TET2: variants seen among roughly 807,000 people sequenced by gnomAD.
TET2 encodes the protein methylcytosine dioxygenase TET2.
In TET2, 299 loss-of-function variants were observed where a neutral mutation model predicts 142.9. The observed-to-expected ratio is 2.09, with a 90% CI of 1.90 to 2.30. TET2 has a LOEUF of 2.30. Among genes scored for constraint, TET2 ranks in the 30% most tolerant of loss-of-function variants. The pLI is 0.00. For synonymous variants in TET2, 819 were observed against 849.0 expected (o/e 0.96, Z 0.61); for missense variants, 2,418 against 2,378.0 (o/e 1.02, Z -0.35).
Position 105,241,341 on chromosome 4 carries a change from C to A in TET2, c.3412C>A (p.Gln1138Lys), listed in dbSNP as rs2110248552. The A allele has an allele frequency of 6.5e-7, 1 of 1,544,078 alleles. No individual in the cohort carries two copies. Among genetic ancestry groups the A allele is most frequent in the Non-Finnish European group, 8.7e-7 (1 of 1,143,142 alleles). Residue 1138 changes from glutamine (Q) to lysine (K), a missense_variant and splice_region_variant, in exon 4 of 11, where the codon CAA (glutamine) becomes AAA (lysine). Transcript: ENST00000380013. Reference protein sequence around the residue: ...YDFPSCRCVEQIIEKDEGPFY... With the variant: ...YDFPSCRCVEKIIEKDEGPFY... Reference sequence around the variant, plus strand: ...ATAATCTTCTATTATCTCAACAGAGCAAATTATTGAAAAAGATGAAGGTCC... The same window carrying A: ...ATAATCTTCTATTATCTCAACAGAGAAAATTATTGAAAAAGATGAAGGTCC...
intron 2 of TET2, among the ~76,000 whole-genome samples, chr4:105,211,142 C>T (rs1460932669): frequency 6.6e-6 from 1 of 152,172 alleles, no homozygotes; most frequent in Non-Finnish European, 1.5e-5. Flanking sequence ...CTTTTGTTCC[C>T]TCTAGCTGAA....
chr4:105,164,794 C>A (rs1226456135), intron 1 of TET2, among the ~76,000 whole-genome samples: 1 of 152,170 alleles, frequency 6.6e-6, no homozygotes, highest in Non-Finnish European at 1.5e-5. Context: ...AGTGTAACAG[C>A]ACAGCCTCTG....
chr4:105,170,807 T>A (rs1238849038), intron 1 of TET2, among the ~76,000 whole-genome samples: 4 of 152,176 alleles, frequency 2.6e-5, no homozygotes, highest in Non-Finnish European at 5.9e-5. Flanking sequence ...CCTCAAAATA[T>A]AAACATGATG....
At chr4:105,258,793 TTTATCTCTC>T (rs1452341989) in intron 6 of TET2, among the ~76,000 whole-genome samples, 3 of 152,200 alleles carry the variant, frequency 2.0e-5, no homozygotes, top group African/African-American at 7.2e-5. Flanking sequence ...TGTAAGTTGT[TTTATCTCTC>T]TTTGCTTACT....
chr4:105,173,669 G>A (rs1454910443), intron 1 of TET2, among the ~76,000 whole-genome samples: 4 of 152,072 alleles, frequency 2.6e-5, no homozygotes, highest in Non-Finnish European at 5.9e-5. Context: ...GATGACATGA[G>A]GAAAAAAGGG....
At chr4:105,191,773 A>G (rs372807844) in intron 2 of TET2, among the ~76,000 whole-genome samples, 7 of 152,282 alleles carry the variant, frequency 4.6e-5, no homozygotes, top group African/African-American at 1.7e-4. Flanking sequence ...ACACAGGGCA[A>G]GCGCATCTGT....
chr4:105,211,367 A>G (rs1727149779), intron 2 of TET2, among the ~76,000 whole-genome samples: 1 of 152,218 alleles, frequency 6.6e-6, no homozygotes, highest in Admixed American at 6.5e-5. Flanking sequence ...TCACTGGTGA[A>G]GGAATCCAGA....
chr4:105,200,642 G>GTTTTGT (rs70964635), intron 2 of TET2, among the ~76,000 whole-genome samples: 40,367 of 149,384 alleles, frequency 0.27, 6,019 homozygotes, highest in Non-Finnish European at 0.34. Context: ...TTTTTTGTTT[G>GTTTTGT]TTTTGTTTTT....
chr4:105,242,215 CTAAA>C (rs1729342567), intron 4 of TET2: 1 of 1,097,296 alleles, frequency 9.1e-7, no homozygotes, highest in African/African-American at 1.6e-5. Context: ...TAGAAGTTCA[CTAAA>C]TAATCATCTA....
At chr4:105,224,231 C>A (rs930096018) in intron 2 of TET2, among the ~76,000 whole-genome samples, 7 of 151,974 alleles carry the variant, frequency 4.6e-5, no homozygotes, top group Non-Finnish European at 1.5e-5. Flanking sequence ...ATATCTACAG[C>A]TTTATGTGGT....
At position 105,235,067 on chromosome 4, in the gene TET2, A is replaced by G. The variant is rs201587678; in HGVS notation, c.1125A>G (p.Glu375=). 1 of 1,614,084 alleles carries G rather than the reference A, an allele frequency of 6.2e-7. No individual in the cohort carries two copies. Among genetic ancestry groups the G allele is most frequent in the South Asian group, 1.1e-5 (1 of 91,072 alleles). ...GSSERYLKQN[E]MNGAYFKQSS... is the part of the protein sequence containing the mutation. ...CTGAACGGTATTTAAAACAAAATGA[A>G]ATGAATGGTGCTTACTTCAAGCAAA... Residue 375 remains glutamate (E), a synonymous_variant, in exon 3 of 11, where the codon GAA becomes GAG. Coordinates refer to ENST00000380013, the MANE Select transcript of TET2 (RefSeq NM_001127208.3).
rs1429808833 is a variant in TET2 at position 105,237,078 on chromosome 4, C to T, written c.3136C>T (p.Leu1046Phe). ...CAAGTCGTTATTTGACCATAAGGCT[C>T]TTACTCTCAAATCACAGAAGCAAGT... ...HAKSLFDHKA[L>F]TLKSQKQVKV... Residue 1046 changes from leucine to phenylalanine, a missense_variant, in exon 3 of 11, where the codon CTT becomes TTT. By Grantham distance (22) the Leu-to-Phe change is conservative. Coordinates refer to ENST00000380013, the MANE Select transcript of TET2 (RefSeq NM_001127208.3). 3 of 1,614,042 alleles carry T rather than the reference C, an allele frequency of 1.9e-6. No individual in the cohort carries two copies. Among genetic ancestry groups the T allele is most frequent in the African/African-American group, 2.7e-5 (2 of 74,924 alleles).
At chr4:105,204,234 TACACACACAC>T (rs763239434) in intron 2 of TET2, among the ~76,000 whole-genome samples, 8 of 125,968 alleles carry the variant, frequency 6.4e-5, no homozygotes, top group East Asian at 2.2e-4. Flanking sequence ...AAAAAATATA[TACACACACAC>T]ACACACACAC....
At chr4:105,193,133 C>A (rs995714175) in intron 2 of TET2, among the ~76,000 whole-genome samples, 2 of 152,096 alleles carry the variant, frequency 1.3e-5, no homozygotes, top group Non-Finnish European at 2.9e-5. Context: ...GAGGAGGCTT[C>A]ACAAAGGAAG....
At chr4:105,263,352 AAG>A (rs775513337) in intron 8 of TET2, among the ~76,000 whole-genome samples, 2 of 152,184 alleles carry the variant, frequency 1.3e-5, no homozygotes, top group Non-Finnish European at 2.9e-5. Context: ...AAATCTATGT[AAG>A]ATTAGAGAGA....
chr4:105,174,802 G>T (rs1724684330), intron 1 of TET2, among the ~76,000 whole-genome samples: 1 of 152,170 alleles, frequency 6.6e-6, no homozygotes, highest in Non-Finnish European at 1.5e-5. Flanking sequence ...AAATATGTCA[G>T]AGCATTTTGT....
chr4:105,159,921 T>C (rs1351774150), intron 1 of TET2, among the ~76,000 whole-genome samples: 1 of 152,104 alleles, frequency 6.6e-6, no homozygotes, highest in Admixed American at 6.5e-5. Flanking sequence ...GGAGAATCGC[T>C]TGACCCCGGG....
At chr4:105,222,483 T>C (rs948951072) in intron 2 of TET2, among the ~76,000 whole-genome samples, 1 of 152,268 alleles carries the variant, frequency 6.6e-6, no homozygotes, top group Admixed American at 6.5e-5. Flanking sequence ...GAGCATTTTT[T>C]CATGTGTCTT....
In TET2 at chr4:105,241,376, C is replaced by G. The variant is rs1729287909; in HGVS notation, c.3447C>G (p.Thr1149=). The part of the protein sequence containing the change: ...IIEKDEGPFY[T]HLGAGPNVAA... The stretch of plus-strand genomic sequence containing the variant: ...AAAAAGATGAAGGTCCTTTTTATAC[C>G]CATCTAGGAGCAGGTCCTAATGTGG... The change falls in exon 4 of 11, where the codon ACC becomes ACG. Residue 1149 remains threonine, a synonymous_variant. Transcript: ENST00000380013. 6.5e-7 allele frequency: 1 copy of G among 1,547,558 alleles called. No individual in the cohort carries two copies. Among genetic ancestry groups the G allele is most frequent in the South Asian group, 1.2e-5 (1 of 83,224 alleles).
Sources: gnomAD v4.1 joint callset for allele counts (sites outside exome capture counted in the v4.1 genomes callset) on GRCh38, gnomAD v4.1.1 for gene constraint, MANE v1.5 for transcripts, NCBI Gene and HGNC (gene_info 2026-07-23, HGNC 2026-07-21) for gene names.